The following FAM83E variants were observed in gnomAD, a reference collection of about 807,000 sequenced individuals.
FAM83E encodes the protein scaffolding CK1 anchoring protein E, also known as protein FAM83E.
A neutral mutation model predicts 34.3 loss-of-function variants in FAM83E; 29 were observed. That is an observed-to-expected ratio of 0.85 (90% confidence interval 0.63 to 1.15). FAM83E has a LOEUF of 1.15. FAM83E is among the 50% of genes most tolerant of loss of function. FAM83E has a pLI of 0.00. For synonymous variants in FAM83E, 312 were observed against 311.6 expected (o/e 1.00, Z -0.01); for missense variants, 697 against 685.0 (o/e 1.02, Z -0.20).
In FAM83E at chr19:48,614,546, CCCTTG is replaced by C; in HGVS notation, c.-1179_-1175del. On this transcript the variant is annotated 5_prime_UTR_variant, in exon 3 of 7. In the 5' UTR this introduces an upstream ATG that the reference lacks. Coordinates refer to ENST00000263266, the MANE Select transcript of FAM83E (RefSeq NM_017708.4). The stretch of plus-strand genomic sequence containing the variant: ...CTGACCCAACCTCGGGGACCCTGGA[CCCTTG>C]ATCCCTGCAAACCAGAAGCCCTTCA... The C allele has an allele frequency of 1.0e-6, 1 of 986,076 alleles. No individual in the cohort carries two copies. Among genetic ancestry groups the C allele is most frequent in the African/African-American group, 1.7e-5 (1 of 57,376 alleles). The allele number at this position is 986,076 out of a possible 1,614,324, so 61.1% of individuals were successfully genotyped here.
chr19:48,604,242 A>G (rs1415101419), intron 5 of FAM83E, among the ~76,000 whole-genome samples: 2 of 151,728 alleles, frequency 1.3e-5, no homozygotes, highest in African/African-American at 2.4e-5. Context: ...AAAATCAAAA[A>G]AACTAGCCAG....
intron 5 of FAM83E, among the ~76,000 whole-genome samples, chr19:48,604,993 C>A (rs1169338720): frequency 1.5e-5 from 2 of 137,742 alleles, no homozygotes; most frequent in Non-Finnish European, 3.0e-5. Context: ...GCACTCCAAC[C>A]TGGGCGACAG....
At chr19:48,602,901 G>A (rs886670589) in intron 6 of FAM83E, among the ~76,000 whole-genome samples, 4 of 146,564 alleles carry the variant, frequency 2.7e-5, no homozygotes, top group Non-Finnish European at 6.0e-5. Context: ...ACCCAGGCTA[G>A]AGTGCAGTGG....
At chr19:48,607,551 C>T in intron 5 of FAM83E, 1 of 690,186 alleles carries the variant, frequency 1.4e-6, no homozygotes, top group Non-Finnish European at 2.4e-6. Context: ...CAGGGGAGCA[C>T]GGCCCGTGGG....
chr19:48,611,279 C>T (rs1974037938), intron 3 of FAM83E, among the ~76,000 whole-genome samples: 2 of 152,002 alleles, frequency 1.3e-5, no homozygotes. Flanking sequence ...AGCAATTCTC[C>T]TGCCTCAGCC....
At chr19:48,606,826 A>G in intron 5 of FAM83E, 2 of 921,382 alleles carry the variant, frequency 2.2e-6, no homozygotes, top group Non-Finnish European at 3.2e-6. Flanking sequence ...CGTTGGGAAC[A>G]GAGGACACTC....
At chr19:48,611,135 G>GT (rs1268362007) in intron 3 of FAM83E, among the ~76,000 whole-genome samples, 3 of 149,142 alleles carry the variant, frequency 2.0e-5, no homozygotes, top group East Asian at 2.0e-4. Context: ...ATGTTTGCTT[G>GT]TTTTTTTGTG....
intron 3 of FAM83E, among the ~76,000 whole-genome samples, chr19:48,612,028 T>C (rs1425696246): frequency 6.6e-6 from 1 of 152,106 alleles, no homozygotes; most frequent in Non-Finnish European, 1.5e-5. Flanking sequence ...GTGGAAACCC[T>C]GACTCAGCAG....
In FAM83E at chr19:48,604,024, C is replaced by T. The variant is rs909469400; in HGVS notation, c.759-113G>A. 9 of 1,065,436 alleles carry T rather than the reference C, an allele frequency of 8.4e-6. No individual in the cohort carries two copies. The African/African-American group carries it at 1.0e-4, about 12-fold the overall frequency. The allele number at this position is 1,065,436 out of a possible 1,614,324, so 66.0% of individuals were successfully genotyped here. On this transcript the variant is annotated intron_variant, in intron 5 of 6. Coordinates refer to ENST00000263266, the MANE Select transcript of FAM83E (RefSeq NM_017708.4). ...TAGGACCTCAGGCGAGTCCTGACCT[C>T]TCCAGCCTCAGCTTCCCTGTCTGTA...
chr19:48,602,975 C>T (rs1297532400), intron 6 of FAM83E, among the ~76,000 whole-genome samples: 1 of 150,550 alleles, frequency 6.6e-6, no homozygotes, highest in East Asian at 2.0e-4. Flanking sequence ...CCTAAGCCTC[C>T]GGAGTAGCTG....
chr19:48,613,662 C>T lies in FAM83E; in HGVS notation c.-290G>A, dbSNP rs1176404510. The T allele has an allele frequency of 7.8e-7, 1 of 1,287,704 alleles. No homozygotes were observed. The highest frequency in any genetic ancestry group is 9.9e-7 in the Non-Finnish European group (1 of 1,014,576). 79.8% of individuals were successfully genotyped at this position (1,287,704 alleles called of 1,614,324 possible). A position where few individuals can be genotyped will look rare whatever the true frequency, so the allele number is the denominator to read the frequency against. On this transcript the variant is annotated 5_prime_UTR_variant, in exon 3 of 7. Transcript: ENST00000263266. The stretch of plus-strand genomic sequence containing the variant: ...ACCATGCCTGGCTGGCCTTCCGTGA[C>T]CTTCCTGCCAGCCGTCTCTGCTGGT...
rs1455489748 is a variant in FAM83E, at chr19:48,610,712, G to A, written c.601C>T (p.Gln201Ter). 1 of 1,581,508 alleles carries A rather than the reference G, an allele frequency of 6.3e-7. No homozygotes were observed. Among genetic ancestry groups the A allele is most frequent in the Non-Finnish European group, 8.6e-7 (1 of 1,164,134 alleles). Residue 201 changes from glutamine to a stop codon, truncating the protein, a stop_gained, in exon 4 of 7, where the codon CAG becomes TAG. Coordinates refer to ENST00000263266, the MANE Select transcript of FAM83E (RefSeq NM_017708.4). LOFTEE classifies it high-confidence loss of function. ...TTCCAGGGGTTCACCCCCAGCTGCT[G>A]GGCCAGTTCCAGGAAGGCAGGCAGC... ...QQLPAFLELA[Q>*]QLGVNPWNTE...
intron 3 of FAM83E, among the ~76,000 whole-genome samples, chr19:48,612,603 T>C (rs1264338945): frequency 6.6e-6 from 1 of 151,960 alleles, no homozygotes; most frequent in African/African-American, 2.4e-5. Context: ...GGGGTTTCAC[T>C]ATGTTGGCCA....
At chr19:48,606,922 G>A (rs1010193990) in intron 5 of FAM83E, 170 of 1,573,462 alleles carry the variant, frequency 1.1e-4, no homozygotes, top group Middle Eastern at 6.9e-4. Flanking sequence ...CAGCGGTTCC[G>A]GGAGGTCTGG....
At chr19:48,601,502 C>T (rs1287353322) in intron 6 of FAM83E, 133 bp from the exon 7 acceptor site, 55 of 1,439,692 alleles carry the variant, frequency 3.8e-5, no homozygotes, top group African/African-American at 1.1e-4. Context: ...CGGTGGCTCA[C>T]GCCTGTAATC....
At chr19:48,607,487 C>A in intron 5 of FAM83E, 1 of 1,254,626 alleles carries the variant, frequency 8.0e-7, no homozygotes, top group East Asian at 2.5e-5. Flanking sequence ...CCTTCTAAGG[C>A]TGTCCACCAG....
intron 3 of FAM83E, among the ~76,000 whole-genome samples, chr19:48,612,451 C>T (rs1488107545): frequency 6.6e-6 from 1 of 150,904 alleles, no homozygotes; most frequent in African/African-American, 2.4e-5. Context: ...GTCGCCCAGG[C>T]TGAAGTGCAG....
Position 48,600,990 on chromosome 19 carries a change from G to A in FAM83E, c.*119C>T. The A allele has an allele frequency of 6.8e-7, 1 of 1,477,540 alleles. No homozygotes were observed. The highest frequency in any genetic ancestry group is 8.9e-7 in the Non-Finnish European group (1 of 1,121,674). 91.5% of individuals were successfully genotyped at this position (1,477,540 alleles called of 1,614,324 possible). A position where few individuals can be genotyped will look rare whatever the true frequency, so the allele number is the denominator to read the frequency against. ...CAAGTGACAAACATCCCTTCTGCTT[G>A]ACAGACGCCGAGGCCAGAAGCCTTG... On this transcript the variant is annotated 3_prime_UTR_variant, in exon 7 of 7. Transcript: ENST00000263266.
In FAM83E at chr19:48,614,691, C is replaced by T. The variant is rs369459066; in HGVS notation, c.-1256+17G>A. On this transcript the variant is annotated intron_variant, in intron 2 of 6. Transcript: ENST00000263266. Reference sequence around the variant, plus strand: ...CCCGCCCCACCCTCACCCATCCCCCCCATCGCCGGGGCTCACCCACACCGG... The same window carrying T: ...CCCGCCCCACCCTCACCCATCCCCCTCATCGCCGGGGCTCACCCACACCGG... The T allele has an allele frequency of 2.0e-6, 2 of 985,642 alleles. No individual in the cohort carries two copies. The highest frequency in any genetic ancestry group is 3.5e-5 in the African/African-American group (2 of 57,264). The allele number at this position is 985,642 out of a possible 1,614,324, so 61.1% of individuals were successfully genotyped here. A position where few individuals can be genotyped will look rare whatever the true frequency, so the allele number is the denominator to read the frequency against.
Sources: gnomAD v4.1 joint callset for allele counts (sites outside exome capture counted in the v4.1 genomes callset) on GRCh38, gnomAD v4.1.1 for gene constraint, MANE v1.5 for transcripts, NCBI Gene and HGNC (gene_info 2026-07-23, HGNC 2026-07-21) for gene names.